The following RALGAPB variants were observed in gnomAD, a reference collection of about 807,000 sequenced individuals.
RALGAPB encodes Ral GTPase activating protein non-catalytic subunit beta, also known as ral GTPase-activating protein subunit beta.
RALGAPB carries 25 observed loss-of-function variants against 161.1 expected under a neutral mutation model. The observed-to-expected ratio is 0.16, with a 90% CI of 0.11 to 0.22. The LOEUF (loss-of-function observed/expected upper bound fraction) is 0.22, where lower values mean the gene tolerates loss of function less well. Among genes scored for constraint, RALGAPB ranks in the 10% least tolerant of loss-of-function variants. The pLI is 1.00. For synonymous variants in RALGAPB, 629 were observed against 626.1 expected, an observed-to-expected ratio of 1.00 and a Z score of -0.07; for missense variants, 1,391 against 1,815.2, an observed-to-expected ratio of 0.77 and a Z score of 4.25.
chr20:38,565,248 C>T (rs767309976), intron 24 of RALGAPB, 111 bp from the exon 25 acceptor site: 21 of 1,239,346 alleles, frequency 1.7e-5, no homozygotes, highest in Admixed American at 6.9e-5. Context: ...TTGTTGAAAA[C>T]ATATATTCTA....
intron 1 of RALGAPB, among the ~76,000 whole-genome samples, chr20:38,481,144 T>C (rs2084956022): frequency 6.6e-6 from 1 of 152,226 alleles, no homozygotes; most frequent in South Asian, 2.1e-4. Context: ...CTGTAGTCTT[T>C]CCTGATCTTA....
rs1225426795 is a variant in RALGAPB at position 38,517,841 on chromosome 20, T to C, written c.1258T>C (p.Ser420Pro). Residue 420 changes from serine to proline, a missense_variant, in exon 9 of 30, where the codon TCA becomes CCA. Physicochemically the swap from Ser to Pro is moderately conservative, Grantham distance 74. Coordinates refer to ENST00000262879, the MANE Select transcript of RALGAPB (RefSeq NM_020336.4). Reference sequence around the variant, plus strand: ...CCAGACGTCCTCCACCTCTCCTCTGTCAAGTCCAAATCAGACTAGTTCAGA... The same window carrying C: ...CCAGACGTCCTCCACCTCTCCTCTGCCAAGTCCAAATCAGACTAGTTCAGA... ...QHQTSSTSPLSSPNQTSSEPR... is the reference protein window; with the variant it reads ...QHQTSSTSPLPSPNQTSSEPR... The C allele has an allele frequency of 7.4e-6, 12 of 1,613,948 alleles. No homozygotes were observed. Among genetic ancestry groups the C allele is most frequent in the Non-Finnish European group, 8.5e-6 (10 of 1,179,962 alleles).
chr20:38,487,070 T>TTA (rs2085136383), intron 1 of RALGAPB, among the ~76,000 whole-genome samples: 1 of 152,044 alleles, frequency 6.6e-6, no homozygotes, highest in African/African-American at 2.4e-5. Context: ...TCAAGAAAGG[T>TTA]TTTACCAAAG....
intron 5 of RALGAPB, among the ~76,000 whole-genome samples, chr20:38,502,699 C>G (rs1056323367): frequency 3.9e-5 from 6 of 152,166 alleles, no homozygotes; most frequent in Admixed American, 3.3e-4. Flanking sequence ...GCCTCCCATG[C>G]TCAAGTGATT....
intron 24 of RALGAPB, among the ~76,000 whole-genome samples, chr20:38,564,606 A>G (rs1035255067): frequency 9.2e-5 from 14 of 152,258 alleles, no homozygotes; most frequent in Admixed American, 2.6e-4. Flanking sequence ...CACTGAGTTC[A>G]TTTTAATTGA....
intron 9 of RALGAPB, among the ~76,000 whole-genome samples, chr20:38,520,648 C>T (rs1380137376): frequency 6.7e-6 from 1 of 148,890 alleles, no homozygotes; most frequent in African/African-American, 2.5e-5. Context: ...TTATTTAGGA[C>T]TAAAAATGGC....
At chr20:38,508,284 AATG>A (rs2085827806) in intron 5 of RALGAPB, among the ~76,000 whole-genome samples, 1 of 152,110 alleles carries the variant, frequency 6.6e-6, no homozygotes, top group Non-Finnish European at 1.5e-5. Context: ...AATGGGAAGA[AATG>A]ATAAAAAATG....
chr20:38,532,342 C>T (rs949041588), intron 14 of RALGAPB, among the ~76,000 whole-genome samples: 7 of 152,212 alleles, frequency 4.6e-5, no homozygotes, highest in Non-Finnish European at 1.5e-5. Context: ...CAGGTGTGAG[C>T]CAGCGCGCCT....
intron 5 of RALGAPB, among the ~76,000 whole-genome samples, chr20:38,507,431 G>C (rs890451309): frequency 3.3e-5 from 5 of 151,924 alleles, no homozygotes; most frequent in Non-Finnish European, 7.4e-5. Flanking sequence ...GGAGTACAGT[G>C]GTATGATCAG....
intron 1 of RALGAPB, among the ~76,000 whole-genome samples, chr20:38,481,019 A>AC: frequency 6.6e-6 from 1 of 152,068 alleles, no homozygotes; most frequent in East Asian, 1.9e-4. Flanking sequence ...TACAGGCGTG[A>AC]CCCACTGTAC....
chr20:38,480,934 G>T (rs1275121519), intron 1 of RALGAPB, among the ~76,000 whole-genome samples: 1 of 151,204 alleles, frequency 6.6e-6, no homozygotes, highest in Non-Finnish European at 1.5e-5. Flanking sequence ...TAGAGACGGG[G>T]TTTCACCGTG....
chr20:38,509,074 T>C lies in RALGAPB; in HGVS notation c.741-3T>C. On this transcript the variant is annotated splice_polypyrimidine_tract_variant and splice_region_variant and intron_variant, in intron 5 of 29. Transcript: ENST00000262879. The stretch of plus-strand genomic sequence containing the variant: ...GACTCAGTGGTGTGCATTTATTTTC[T>C]AGATTGCTACGCTTTACATATGGTC... 6.2e-7 allele frequency: 1 copy of C among 1,613,314 alleles called. No homozygotes were observed. The highest frequency in any genetic ancestry group is 8.5e-7 in the Non-Finnish European group (1 of 1,179,288).
chr20:38,525,440 A>G lies in RALGAPB; in HGVS notation c.1824A>G (p.Thr608=). 6.2e-7 allele frequency: 1 copy of G among 1,600,160 alleles called. No homozygotes were observed. Among genetic ancestry groups the G allele is most frequent in the Non-Finnish European group, 8.5e-7 (1 of 1,176,370 alleles). Residue 608 remains threonine, a synonymous_variant, in exon 12 of 30, where the codon ACA becomes ACG. Transcript: ENST00000262879. ...LSKFKSYVNP[T]ELRRSSINIL... ...AATTCAAAAGCTATGTAAATCCAAC[A>G]GAATTGCGAAGATCCTCCATTAATA...
At chr20:38,504,568 C>T (rs1323295511) in intron 5 of RALGAPB, among the ~76,000 whole-genome samples, 2 of 152,008 alleles carry the variant, frequency 1.3e-5, no homozygotes, top group African/African-American at 2.4e-5. Context: ...GCAACAAAAA[C>T]AATCGACAAG....
chr20:38,552,140 A>ATTTTTTTTTTTTTT (rs11482026), intron 21 of RALGAPB, among the ~76,000 whole-genome samples: 1 of 144,862 alleles, frequency 6.9e-6, no homozygotes, highest in Non-Finnish European at 1.5e-5. Flanking sequence ...GAAAAGGCTG[A>ATTTTTTTTTTTTTT]TTTTTTTTTT....
At chr20:38,532,117 G>T (rs6100094) in intron 14 of RALGAPB, among the ~76,000 whole-genome samples, 1 of 152,048 alleles carries the variant, frequency 6.6e-6, no homozygotes, top group Non-Finnish European at 1.5e-5. Flanking sequence ...GTGCAGTGGC[G>T]CAATCTCTGC....
chr20:38,494,236 C>T (rs1360852587), intron 3 of RALGAPB, among the ~76,000 whole-genome samples: 1 of 152,240 alleles, frequency 6.6e-6, no homozygotes, highest in Non-Finnish European at 1.5e-5. Flanking sequence ...TTTAGGCTTC[C>T]ACAGTATCTG....
At chr20:38,499,798 T>C (rs2085525182) in intron 5 of RALGAPB, 165 bp downstream of exon 5, 1 of 490,150 alleles carries the variant, frequency 2.0e-6, no homozygotes, top group South Asian at 8.2e-5. Flanking sequence ...GGCTAGTGCC[T>C]GTTTAAAACA....
chr20:38,499,624 T>C lies in RALGAPB; in HGVS notation c.731T>C (p.Leu244Pro). 6.2e-7 allele frequency: 1 copy of C among 1,611,594 alleles called. No individual in the cohort carries two copies. Among genetic ancestry groups the C allele is most frequent in the Non-Finnish European group, 8.5e-7 (1 of 1,178,926 alleles). Reference protein sequence around the residue: ...VEQWSKVICALTSRLLRFTYG... With the variant: ...VEQWSKVICAPTSRLLRFTYG... ...CAGTGGAGCAAGGTCATTTGTGCAC[T>C]CACTTCCAGGTAGGTTATTGTCATT... Residue 244 changes from leucine to proline, a missense_variant, in exon 5 of 30, where the codon CTC (leucine) becomes CCC (proline). Coordinates refer to ENST00000262879, the MANE Select transcript of RALGAPB (RefSeq NM_020336.4).
Sources: allele counts gnomAD v4.1 joint callset (sites outside exome capture counted in the v4.1 genomes callset), GRCh38; gene constraint gnomAD v4.1.1; transcripts MANE v1.5; gene names NCBI Gene and HGNC (gene_info 2026-07-23, HGNC 2026-07-21).